The following ZNF610 variants were observed in gnomAD, a reference collection of about 807,000 sequenced individuals.
ZNF610 encodes the protein zinc finger protein 610.
ZNF610 carries 14 observed loss-of-function variants against 14.1 expected under a neutral mutation model. That is an observed-to-expected ratio of 0.99 (90% CI 0.65 to 1.55). The LOEUF (loss-of-function observed/expected upper bound fraction) is 1.55. Ranked by LOEUF, ZNF610 falls within the 40% of genes most tolerant of loss-of-function variation. The pLI is 0.00. For missense variants in ZNF610, 530 were observed against 558.0 expected, an observed-to-expected ratio of 0.95 and a Z score of 0.51; for synonymous variants, 185 against 187.6, an observed-to-expected ratio of 0.99 and a Z score of 0.11.
In ZNF610 at chr19:52,365,966, C is replaced by T. The variant is rs748059330; in HGVS notation, c.588C>T (p.Tyr196=). The part of the protein sequence containing the change: ...FPLLPQEEKA[Y]IRGKSYEYEC... ...TACTCCCACAAGAAGAGAAAGCATA[C>T]ATTAGAGGAAAATCTTATGAATATG... The change falls in exon 6 of 6, where the codon TAC becomes TAT. Residue 196 remains tyrosine (Y), a synonymous_variant. Coordinates refer to ENST00000403906, the MANE Select transcript of ZNF610 (RefSeq NM_001161425.2). The T allele has an allele frequency of 6.2e-7, 1 of 1,614,046 alleles. No individual in the cohort carries two copies. Among genetic ancestry groups the T allele is most frequent in the South Asian group, 1.1e-5 (1 of 91,050 alleles).
At chr19:52,343,547 A>G (rs538677636) in intron 1 of ZNF610, among the ~76,000 whole-genome samples, 2 of 136,458 alleles carry the variant, frequency 1.5e-5, no homozygotes, top group Non-Finnish European at 3.2e-5. Flanking sequence ...AGCTTGGGTG[A>G]CAGAGTGAGA....
intron 4 of ZNF610, 60 bp downstream of exon 4, chr19:52,353,868 T>C (rs1985389037): frequency 1.9e-6 from 3 of 1,551,130 alleles, no homozygotes; most frequent in Middle Eastern, 1.7e-4. Flanking sequence ...GCATTTTCTC[T>C]TGCGTGCCTC....
chr19:52,349,434 C>A (rs1358427473), intron 3 of ZNF610, among the ~76,000 whole-genome samples, 199 bp downstream of exon 3: 2 of 151,858 alleles, frequency 1.3e-5, no homozygotes, highest in Non-Finnish European at 2.9e-5. Flanking sequence ...GGGCTCACAC[C>A]CAGACATGGA....
chr19:52,359,708 C>T (rs1029132859), intron 5 of ZNF610, among the ~76,000 whole-genome samples: 1 of 152,106 alleles, frequency 6.6e-6, no homozygotes, highest in Non-Finnish European at 1.5e-5. Flanking sequence ...AAGCAACGGA[C>T]AAGAGCTGGG....
At chr19:52,333,202 G>A (rs144925361), upstream of ZNF610, among the ~76,000 whole-genome samples, 5,066 of 152,210 alleles carry the variant, frequency 0.033, 114 homozygotes, top group African/African-American at 0.044. Flanking sequence ...ATGCAAAATC[G>A]GCAAGGCAAT....
intron 1 of ZNF610, among the ~76,000 whole-genome samples, chr19:52,338,785 G>A (rs553768223): frequency 2.2e-4 from 33 of 152,288 alleles, no homozygotes; most frequent in Admixed American, 5.9e-4. Flanking sequence ...ACCACTGAAG[G>A]GGTGGCCTGC....
At chr19:52,338,511 C>A (rs529997582) in intron 1 of ZNF610, among the ~76,000 whole-genome samples, 37 of 152,172 alleles carry the variant, frequency 2.4e-4, no homozygotes, top group Admixed American at 1.2e-3. Context: ...AAGGTGAAAC[C>A]CCATCTCTAC....
chr19:52,365,607 C>G lies in ZNF610; in HGVS notation c.320-91C>G, dbSNP rs997555460. 5 of 1,145,958 alleles carry G rather than the reference C, an allele frequency of 4.4e-6. 1 individual carries two copies. In the Admixed American group the frequency reaches 9.2e-5, roughly 21 times the overall value. 71.0% of individuals were successfully genotyped at this position (1,145,958 alleles called of 1,614,324 possible). A position where few individuals can be genotyped will look rare whatever the true frequency, so the allele number is the denominator to read the frequency against. On this transcript the variant is annotated intron_variant, in intron 5 of 5. Coordinates refer to ENST00000403906, the MANE Select transcript of ZNF610 (RefSeq NM_001161425.2). ...AGTATGCCGATACTTCTTCCAGTGT[C>G]TGAGTTGGGTGAGGCTGATTCTGGT...
At chr19:52,361,179 C>CTTTTTTTTTTTTTT (rs199515927) in intron 5 of ZNF610, among the ~76,000 whole-genome samples, 1 of 140,736 alleles carries the variant, frequency 7.1e-6, no homozygotes, top group African/African-American at 2.6e-5. Flanking sequence ...ATCTCATTTT[C>CTTTTTTTTTTTTTT]TTTTTTTTTT....
chr19:52,343,051 C>T (rs558703964), intron 1 of ZNF610, among the ~76,000 whole-genome samples: 1 of 152,110 alleles, frequency 6.6e-6, no homozygotes, highest in East Asian at 1.9e-4. Flanking sequence ...GTGTTCTGGA[C>T]ATCTCTGCTG....
chr19:52,338,636 G>C (rs371510099), intron 1 of ZNF610, among the ~76,000 whole-genome samples: 8 of 152,162 alleles, frequency 5.3e-5, no homozygotes, highest in African/African-American at 1.9e-4. Context: ...GGCCAAGATC[G>C]CACCACTGCA....
intron 5 of ZNF610, among the ~76,000 whole-genome samples, chr19:52,363,673 T>C (rs143533033): frequency 7.2e-4 from 110 of 152,338 alleles, no homozygotes; most frequent in African/African-American, 2.6e-3. Context: ...GATTTTAATA[T>C]AGACACCTCT....
rs1218621267 is a variant in ZNF610 at position 52,366,109 on chromosome 19, A to G, written c.731A>G (p.Asn244Ser). 4 of 1,613,710 alleles carry G rather than the reference A, an allele frequency of 2.5e-6. No individual in the cohort carries two copies. The highest frequency in any genetic ancestry group is 1.3e-5 in the African/African-American group (1 of 74,916). ...CTECGKVFSR[N>S]SHLVEHWRIH... ...GAATGTGGCAAGGTCTTCAGTCGCA[A>G]TTCACACCTTGTAGAACATTGGAGA... Residue 244 changes from asparagine to serine, a missense_variant, in exon 6 of 6, where the codon AAT (asparagine) becomes AGT (serine). Transcript: ENST00000403906.
At chr19:52,349,342 C>T in intron 3 of ZNF610, 107 bp downstream of exon 3, 1 of 1,377,658 alleles carries the variant, frequency 7.3e-7, no homozygotes, top group South Asian at 1.2e-5. Flanking sequence ...CCCTCAGTCC[C>T]TTTCATCTCG....
At chr19:52,361,779 G>A (rs11666131) in intron 5 of ZNF610, among the ~76,000 whole-genome samples, 26,966 of 151,872 alleles carry the variant, frequency 0.18, 2,664 homozygotes, top group East Asian at 0.25. Flanking sequence ...CTTACCATTC[G>A]AAGTATGAGC....
intron 1 of ZNF610, chr19:52,344,054 G>C (rs1984815559): frequency 6.6e-6 from 1 of 152,204 alleles, no homozygotes. Flanking sequence ...TATTTATGGG[G>C]GCTGCTAAGG....
At chr19:52,346,487 A>G (rs763514159) in intron 1 of ZNF610, among the ~76,000 whole-genome samples, 3 of 151,990 alleles carry the variant, frequency 2.0e-5, no homozygotes, top group Non-Finnish European at 4.4e-5. Flanking sequence ...TACTAGAGGC[A>G]GGGTTTTACC....
At chr19:52,331,629 C>T (rs959020991), upstream of ZNF610, among the ~76,000 whole-genome samples, 2 of 152,196 alleles carry the variant, frequency 1.3e-5, no homozygotes, top group African/African-American at 2.4e-5. Flanking sequence ...TGCTGAGGGA[C>T]ATGTCTCCCT....
chr19:52,361,819 C>A (rs2247894), intron 5 of ZNF610, among the ~76,000 whole-genome samples: 107,779 of 151,948 alleles, frequency 0.71, 38,429 homozygotes, highest in South Asian at 0.79. Flanking sequence ...GTGCTTCTCT[C>A]TTCTGTTTTC....
Sources: gnomAD v4.1 joint callset for allele counts (sites outside exome capture counted in the v4.1 genomes callset) on GRCh38, gnomAD v4.1.1 for gene constraint, MANE v1.5 for transcripts, NCBI Gene and HGNC (gene_info 2026-07-23, HGNC 2026-07-21) for gene names.